The following SYT9 variants were observed in gnomAD, a reference collection of about 807,000 sequenced individuals.
SYT9 encodes the protein synaptotagmin-9.
SYT9 carries 22 observed loss-of-function variants against 48.4 expected under a neutral mutation model. The observed-to-expected ratio is 0.45, with a 90% CI of 0.32 to 0.65. SYT9 has a LOEUF of 0.65. Ranked by LOEUF, SYT9 falls within the 30% of genes least tolerant of loss-of-function variation. The pLI is 0.03. For synonymous variants in SYT9, 265 were observed against 245.0 expected (o/e 1.08, Z -0.76); for missense variants, 577 against 622.0 (o/e 0.93, Z 0.77).
chr11:7,238,853 T>C (rs1442685981), exon 1 of SYT9: 6 of 455,872 alleles, frequency 1.3e-5, no homozygotes, highest in African/African-American at 1.0e-4. Flanking sequence ...AAGAAGCCAG[T>C]AATGCAGAGA....
intron 6 of SYT9, among the ~76,000 whole-genome samples, chr11:7,431,648 G>A (rs1024349366): frequency 1.3e-5 from 2 of 152,176 alleles, no homozygotes; most frequent in African/African-American, 4.8e-5. Flanking sequence ...GGTTTTGTGG[G>A]CCAGGACCAG....
intron 6 of SYT9, among the ~76,000 whole-genome samples, chr11:7,451,559 A>G (rs1415051001): frequency 6.6e-6 from 1 of 152,202 alleles, no homozygotes; most frequent in Non-Finnish European, 1.5e-5. Context: ...GGGTAGAGGC[A>G]TCCACATCCT....
intron 1 of SYT9, among the ~76,000 whole-genome samples, chr11:7,242,775 G>A (rs1183073078): frequency 2.0e-5 from 3 of 152,122 alleles, no homozygotes; most frequent in Non-Finnish European, 4.4e-5. Context: ...GGCTGGGTGA[G>A]GTGGCTTACA....
chr11:7,276,991 T>C (rs1589907038), intron 1 of SYT9, among the ~76,000 whole-genome samples: 1 of 151,636 alleles, frequency 6.6e-6, no homozygotes, highest in South Asian at 2.1e-4. Flanking sequence ...GAAGTGGAGG[T>C]TGCAGTGAGC....
At position 7,359,591 on chromosome 11, in the gene SYT9, C is replaced by G. The variant is rs1056987753; in HGVS notation, c.1044+45650C>G. Among the ~76,000 whole-genome samples the G allele has an allele frequency of 8.9e-5, 10 of 111,886 alleles. 1 individual carries two copies. Among genetic ancestry groups the G allele is most frequent in the Admixed American group, 2.9e-4 (3 of 10,234 alleles). 73.4% of individuals were successfully genotyped at this position (111,886 alleles called of 152,430 possible). ...CATAGTGGTTTTGATTTGCATTTCTCTGATGGCCAGTGATGGTGAGCATTT... is the reference window on the plus strand; with the variant it reads ...CATAGTGGTTTTGATTTGCATTTCTGTGATGGCCAGTGATGGTGAGCATTT... On this transcript the variant is annotated intron_variant, in intron 3 of 6. Transcript: ENST00000318881.
chr11:7,430,805 T>C (rs1024464877), intron 6 of SYT9, among the ~76,000 whole-genome samples: 4 of 152,138 alleles, frequency 2.6e-5, no homozygotes, highest in Admixed American at 2.6e-4. Context: ...AGTAAAAACT[T>C]CCTGAGGCCC....
intron 3 of SYT9, among the ~76,000 whole-genome samples, chr11:7,382,578 A>G (rs1041655218): frequency 1.3e-5 from 2 of 152,200 alleles, no homozygotes; most frequent in East Asian, 3.8e-4. Context: ...ATATGAGTCT[A>G]TGGTGCATGG....
chr11:7,253,599 G>GA (rs908626480), intron 1 of SYT9, among the ~76,000 whole-genome samples: 5 of 151,876 alleles, frequency 3.3e-5, no homozygotes, highest in East Asian at 1.9e-4. Context: ...TATTGAAAAA[G>GA]AAAAAAATAT....
chr11:7,276,225 C>T (rs775019108), intron 1 of SYT9, among the ~76,000 whole-genome samples: 48 of 152,106 alleles, frequency 3.2e-4, no homozygotes, highest in Non-Finnish European at 4.9e-4. Context: ...CACCAGTTCC[C>T]GCCAGTTTTA....
At chr11:7,381,958 A>C (rs1850573292) in intron 3 of SYT9, among the ~76,000 whole-genome samples, 1 of 152,146 alleles carries the variant, frequency 6.6e-6, no homozygotes, top group South Asian at 2.1e-4. Context: ...GTGGGGAAGG[A>C]AGGAACTATA....
chr11:7,393,485 G>A (rs1434573739), intron 3 of SYT9, among the ~76,000 whole-genome samples: 1 of 151,868 alleles, frequency 6.6e-6, no homozygotes, highest in Non-Finnish European at 1.5e-5. Context: ...ATTTTGATGT[G>A]CTGCTGAATT....
At chr11:7,238,838 A>C (rs1409188892) in exon 1 of SYT9, 1 of 455,958 alleles carries the variant, frequency 2.2e-6, no homozygotes, top group South Asian at 1.5e-5. Flanking sequence ...GGAAAGAATG[A>C]TATGAAGAAG....
At chr11:7,328,232 C>T (rs980817943) in intron 3 of SYT9, among the ~76,000 whole-genome samples, 8 of 151,574 alleles carry the variant, frequency 5.3e-5, no homozygotes, top group Non-Finnish European at 1.0e-4. Flanking sequence ...TAAATCCATT[C>T]TGAAAATCAT....
At chr11:7,266,841 A>G (rs1460830836) in intron 1 of SYT9, among the ~76,000 whole-genome samples, 1 of 152,106 alleles carries the variant, frequency 6.6e-6, no homozygotes, top group Non-Finnish European at 1.5e-5. Flanking sequence ...TGAGTAGTAA[A>G]TAGTGGCCTT....
intron 3 of SYT9, among the ~76,000 whole-genome samples, chr11:7,351,466 T>C (rs1849913505): frequency 1.3e-5 from 2 of 152,194 alleles, no homozygotes; most frequent in African/African-American, 4.8e-5. Flanking sequence ...GGACTCCTTG[T>C]GTGGGAGCTG....
intron 3 of SYT9, among the ~76,000 whole-genome samples, chr11:7,347,243 T>TG (rs1849816147): frequency 1.3e-5 from 2 of 151,906 alleles, no homozygotes; most frequent in South Asian, 4.2e-4. Context: ...AATATTTTTT[T>TG]TTTTTGAGAT....
intron 3 of SYT9, among the ~76,000 whole-genome samples, chr11:7,395,864 G>A (rs1846742598): frequency 2.0e-5 from 3 of 151,936 alleles, no homozygotes; most frequent in Admixed American, 2.0e-4. Context: ...GTGAGGTTTT[G>A]TTTCTGTTAT....
intron 6 of SYT9, among the ~76,000 whole-genome samples, chr11:7,456,552 T>C (rs1377776630): frequency 6.6e-6 from 1 of 152,278 alleles, no homozygotes; most frequent in Non-Finnish European, 1.5e-5. Flanking sequence ...GTAATGGTGA[T>C]ATCCTGAAAT....
At chr11:7,251,132 A>ACCCC (rs1554895821), upstream of SYT9, among the ~76,000 whole-genome samples, 2 of 127,852 alleles carry the variant, frequency 1.6e-5, no homozygotes, top group African/African-American at 5.2e-5. Context: ...ACACACACAC[A>ACCCC]CCCAGAGTAC....
Sources: allele counts gnomAD v4.1 joint callset (sites outside exome capture counted in the v4.1 genomes callset), GRCh38; gene constraint gnomAD v4.1.1; transcripts MANE v1.5; gene names NCBI Gene and HGNC (gene_info 2026-07-23, HGNC 2026-07-21).